TAF4: variants seen among roughly 807,000 people sequenced by gnomAD.
TAF4 encodes the protein transcription initiation factor TFIID subunit 4.
Under a neutral mutation model 90.3 loss-of-function variants are expected in TAF4, and 9 were observed. The observed-to-expected ratio is 0.10, with a 90% confidence interval of 0.06 to 0.17. The LOEUF (loss-of-function observed/expected upper bound fraction) is 0.17, where lower values mean the gene tolerates loss of function less well. TAF4 is among the 10% of genes least tolerant of loss of function. The probability of loss-of-function intolerance (pLI) is 1.00; values close to 1 mark genes in which losing one functional copy is unlikely to be tolerated. For synonymous variants in TAF4, 818 were observed against 638.9 expected (o/e 1.28, Z -4.23); for missense variants, 1,351 against 1,370.7 (o/e 0.99, Z 0.23).
At position 62,065,498 on chromosome 20, in the gene TAF4, G is replaced by A. The variant is rs1287275878; in HGVS notation, c.313C>T (p.Pro105Ser). The change falls in exon 1 of 15, where the codon CCG becomes TCG. Residue 105 changes from proline (P) to serine (S), a missense_variant. Around this residue, in one of 9 missense-constraint regions of TAF4, gnomAD observed 782 missense variants for 536.6 expected, o/e 1.46. Coordinates refer to ENST00000252996, the MANE Select transcript of TAF4 (RefSeq NM_003185.4). The stretch of plus-strand genomic sequence containing the variant: ...GGGCGGCGCGGTGAGGGGGGGCCCG[G>A]GCGCTGCGGCCCCCCGCCCCCCGGC... The part of the protein sequence containing the change: ...ARPGGGGPQR[P>S]GPPSPRRPLV... 9 of 970,288 alleles carry A rather than the reference G, an allele frequency of 9.3e-6. No homozygotes were observed. The highest frequency in any genetic ancestry group is 1.1e-5 in the Non-Finnish European group (9 of 819,438). 60.1% of individuals were successfully genotyped at this position (970,288 alleles called of 1,614,324 possible).
chr20:62,059,837 C>G lies in TAF4; in HGVS notation c.1360+4614G>C, dbSNP rs560551207. ...CAAGCTTCTCCAGAGCCCTGTTACA[C>G]CTCTGCTTCAAGATCCTCAAACACA... On this transcript the variant is annotated intron_variant, in intron 1 of 14. Coordinates refer to ENST00000252996, the MANE Select transcript of TAF4 (RefSeq NM_003185.4). 2.0e-5 allele frequency among the ~76,000 whole-genome samples: 3 copies of G among 152,346 alleles called. No individual in the cohort carries two copies. In the South Asian group the frequency reaches 6.2e-4, roughly 32 times the overall value.
intron 1 of TAF4, among the ~76,000 whole-genome samples, chr20:62,064,144 G>A (rs961717997): frequency 1.3e-5 from 2 of 152,244 alleles, no homozygotes; most frequent in African/African-American, 2.4e-5. Context: ...GGCGGGAGCA[G>A]GTAAGGACCA....
chr20:62,028,135 C>T (rs370582892), intron 1 of TAF4, among the ~76,000 whole-genome samples: 42 of 152,294 alleles, frequency 2.8e-4, no homozygotes, highest in African/African-American at 7.9e-4. Context: ...ACCCAGGAGC[C>T]GCACCTGCTC....
At chr20:62,044,581 A>G (rs2055982263) in intron 1 of TAF4, among the ~76,000 whole-genome samples, 1 of 152,230 alleles carries the variant, frequency 6.6e-6, no homozygotes, top group Non-Finnish European at 1.5e-5. Flanking sequence ...AAGAGTGCAA[A>G]GAAACCTTAA....
chr20:61,985,727 T>A (rs1033755761), intron 14 of TAF4, among the ~76,000 whole-genome samples: 41 of 150,200 alleles, frequency 2.7e-4, no homozygotes, highest in African/African-American at 9.6e-4. Flanking sequence ...TCCTGAGGCC[T>A]GAGGAGAAGT....
At chr20:61,988,837 G>A (rs6121867) in intron 14 of TAF4, among the ~76,000 whole-genome samples, 2,183 of 152,096 alleles carry the variant, frequency 0.014, 46 homozygotes, top group African/African-American at 0.045. Flanking sequence ...CCCACACCCC[G>A]GCCCTTCTCA....
At chr20:62,050,913 C>T (rs1304114728) in intron 1 of TAF4, among the ~76,000 whole-genome samples, 4 of 152,132 alleles carry the variant, frequency 2.6e-5, no homozygotes, top group African/African-American at 4.8e-5. Flanking sequence ...CCACTACCCA[C>T]GCTGCCCTGG....
At position 61,983,149 on chromosome 20, in the gene TAF4, G is replaced by A. The variant is rs930827797; in HGVS notation, c.3091-6814C>T. Among the ~76,000 whole-genome samples the A allele has an allele frequency of 5.3e-5, 8 of 152,266 alleles. No homozygotes were observed. In the South Asian group the frequency reaches 8.3e-4, roughly 16 times the overall value. On this transcript the variant is annotated intron_variant, in intron 14 of 14. Transcript: ENST00000252996. The stretch of plus-strand genomic sequence containing the variant: ...GAAGCCACTAGGGCTCACAGACGCC[G>A]ATGGCCAACAGTGGAGCTGCCAGGC...
At chr20:62,007,264 T>C (rs1247443924) in intron 6 of TAF4, among the ~76,000 whole-genome samples, 4 of 152,226 alleles carry the variant, frequency 2.6e-5, no homozygotes, top group Non-Finnish European at 5.9e-5. Flanking sequence ...TTGCAAACGC[T>C]ACCCCATTCC....
In TAF4 at chr20:62,008,831, T is replaced by A. The variant is rs2296084; in HGVS notation, c.1884+221A>T. 8.4e-6 allele frequency: 4 copies of A among 475,916 alleles called. No homozygotes were observed. In the East Asian group the frequency reaches 1.5e-4, roughly 17 times the overall value. The allele number at this position is 475,916 out of a possible 1,614,324, so 29.5% of individuals were successfully genotyped here. On this transcript the variant is annotated intron_variant, in intron 5 of 14. Transcript: ENST00000252996. ...AGAAAACGGCAAAGCCCGGGAGACCTCCAGGCGCCGGCCCCAGAACACCCA... is the reference window on the plus strand; with the variant it reads ...AGAAAACGGCAAAGCCCGGGAGACCACCAGGCGCCGGCCCCAGAACACCCA...
chr20:62,004,322 T>TC (rs1568929071), intron 7 of TAF4, among the ~76,000 whole-genome samples: 1 of 129,740 alleles, frequency 7.7e-6, no homozygotes, highest in African/African-American at 2.8e-5. Context: ...TTTTTTCTTT[T>TC]CTTTTCTTTT....
At chr20:61,985,530 G>T (rs2055582895) in intron 14 of TAF4, among the ~76,000 whole-genome samples, 1 of 151,644 alleles carries the variant, frequency 6.6e-6, no homozygotes, top group Non-Finnish European at 1.5e-5. Context: ...TAAATAAAAG[G>T]GCCGCACAGA....
At chr20:62,055,568 C>T (rs1322024171) in intron 1 of TAF4, among the ~76,000 whole-genome samples, 1 of 152,222 alleles carries the variant, frequency 6.6e-6, no homozygotes, top group Non-Finnish European at 1.5e-5. Context: ...GTGATACAAT[C>T]AATTCACACT....
intron 1 of TAF4, among the ~76,000 whole-genome samples, chr20:62,025,256 C>G (rs1016312509): frequency 6.6e-6 from 1 of 152,206 alleles, no homozygotes; most frequent in Non-Finnish European, 1.5e-5. Context: ...TTCTGATAGC[C>G]ATAAATTGGA....
At chr20:62,064,300 C>G in intron 1 of TAF4, 151 bp downstream of exon 1, 1 of 939,800 alleles carries the variant, frequency 1.1e-6, no homozygotes, top group Non-Finnish European at 1.4e-6. Flanking sequence ...GGGCTGGCCC[C>G]GCACCTGGGT....
rs773556477 is a variant in TAF4 at position 62,006,559 on chromosome 20, G to A, written c.2174C>T (p.Thr725Met). ...SALQPPVLSL[T>M]QPTQVGVGKQ... ...GCCGACGCCGACCTGCGTGGGCTGC[G>A]TGAGGCTGAGCACAGGGGGCTGGAG... The change falls in exon 7 of 15, where the codon ACG (threonine) becomes ATG (methionine). Residue 725 changes from threonine to methionine, a missense_variant. Thr to Met is a moderately conservative substitution (Grantham distance 81). This residue lies in a region of TAF4 where 202 missense variants were observed against 229.7 expected (regional missense o/e 0.88). Coordinates refer to ENST00000252996, the MANE Select transcript of TAF4 (RefSeq NM_003185.4). This position sits in a 1 kb window ranked among gnomAD's most constrained non-coding sequence, Gnocchi z 7.0. The A allele has an allele frequency of 1.2e-5, 19 of 1,582,192 alleles. No homozygotes were observed. The highest frequency in any genetic ancestry group is 6.8e-5 in the South Asian group (6 of 88,082).
rs374826414 is a variant in TAF4, at chr20:61,997,532, C to A, written c.3090+18G>T. ...CCCATGTTTCCCCCAGGACCTCGAT[C>A]CCACAACACTGCCGTACCTCTGCTC... is the stretch of plus-strand genomic sequence containing the variant. On this transcript the variant is annotated intron_variant, in intron 14 of 14. Transcript: ENST00000252996. 1.6e-5 allele frequency: 25 copies of A among 1,555,588 alleles called. No individual in the cohort carries two copies. The highest frequency in any genetic ancestry group is 2.8e-5 in the African/African-American group (2 of 72,278).
chr20:62,053,224 C>G (rs1038983132), intron 1 of TAF4, among the ~76,000 whole-genome samples: 1 of 152,224 alleles, frequency 6.6e-6, no homozygotes, highest in African/African-American at 2.4e-5. Flanking sequence ...CCGTGCTTTC[C>G]CAACTCTCAG....
At chr20:62,029,780 C>T (rs2055894507) in intron 1 of TAF4, among the ~76,000 whole-genome samples, 2 of 152,190 alleles carry the variant, frequency 1.3e-5, no homozygotes, top group African/African-American at 4.8e-5. Flanking sequence ...GGAGCACACA[C>T]CTGTAATCCC....
Sources: gnomAD v4.1 joint callset for allele counts (sites outside exome capture counted in the v4.1 genomes callset) on GRCh38, gnomAD v4.1.1 for gene constraint, gnomAD v4.1.1 regional missense constraint, Gnocchi (gnomAD v3.1) non-coding constraint, MANE v1.5 for transcripts, NCBI Gene and HGNC (gene_info 2026-07-23, HGNC 2026-07-21) for gene names.